The following AP2B1 variants were observed in gnomAD, a reference collection of about 807,000 sequenced individuals.
AP2B1 encodes adaptor related protein complex 2 subunit beta 1.
In AP2B1, 23 loss-of-function variants were observed where a neutral mutation model predicts 102.0. The ratio of observed to expected loss-of-function variants is 0.23; its 90% CI spans 0.16 to 0.32. AP2B1 has a LOEUF of 0.32. AP2B1 is among the 10% of genes least tolerant of loss of function. The pLI is 1.00. For missense variants in AP2B1, 541 were observed against 1,157.4 expected (o/e 0.47, Z 7.73); for synonymous variants, 381 against 421.2 (o/e 0.90, Z 1.17).
At chr17:35,660,962 A>G (rs2075345878) in intron 14 of AP2B1, among the ~76,000 whole-genome samples, 1 of 152,238 alleles carries the variant, frequency 6.6e-6, no homozygotes, top group Non-Finnish European at 1.5e-5. Flanking sequence ...CCTGTTTAAA[A>G]TATGGCCATA....
At chr17:35,667,031 C>A (rs1048027782) in intron 14 of AP2B1, among the ~76,000 whole-genome samples, 6 of 152,212 alleles carry the variant, frequency 3.9e-5, no homozygotes, top group African/African-American at 1.4e-4. Context: ...TGATATACAA[C>A]AACTTTCTTG....
At position 35,587,336 on chromosome 17, in the gene AP2B1, A is replaced by G. The variant is rs2072924759; in HGVS notation, c.-116A>G. 6.6e-6 allele frequency: 1 copy of G among 152,306 alleles called. No individual in the cohort carries two copies. The highest frequency in any genetic ancestry group is 1.5e-5 in the Non-Finnish European group (1 of 68,092). 9.4% of individuals were successfully genotyped at this position (152,306 alleles called of 1,614,324 possible). A position where few individuals can be genotyped will look rare whatever the true frequency, so the allele number is the denominator to read the frequency against. On this transcript the variant is annotated 5_prime_UTR_variant, in exon 1 of 22. Coordinates refer to ENST00000610402, the MANE Select transcript of AP2B1 (RefSeq NM_001030006.2). The stretch of plus-strand genomic sequence containing the variant: ...CGCAGTGGCTTAGACCTAGAAAAGA[A>G]TCGTGACGGGCAGGAAACCATTACA...
At chr17:35,663,367 A>C (rs1232039754) in intron 14 of AP2B1, among the ~76,000 whole-genome samples, 1 of 152,244 alleles carries the variant, frequency 6.6e-6, no homozygotes, top group Non-Finnish European at 1.5e-5. Flanking sequence ...CCTCAGAACA[A>C]CTCAAGAAGA....
chr17:35,711,706 T>C (rs1380906112), intron 20 of AP2B1, among the ~76,000 whole-genome samples: 1 of 152,140 alleles, frequency 6.6e-6, no homozygotes, highest in Non-Finnish European at 1.5e-5. Flanking sequence ...CTCCTGACCT[T>C]GTGATCCGCC....
intron 16 of AP2B1, among the ~76,000 whole-genome samples, chr17:35,672,370 CTCT>C (rs1350972871): frequency 2.0e-5 from 3 of 152,178 alleles, no homozygotes; most frequent in African/African-American, 7.2e-5. Flanking sequence ...GTCACTGGGG[CTCT>C]TCTTGTCTTG....
At chr17:35,622,390 C>T (rs1465199972) in intron 5 of AP2B1, among the ~76,000 whole-genome samples, 2 of 152,132 alleles carry the variant, frequency 1.3e-5, no homozygotes, top group Admixed American at 6.5e-5. Context: ...AAATAAATCA[C>T]ATTCTCTAGA....
At chr17:35,683,354 T>C (rs587594136) in intron 18 of AP2B1, among the ~76,000 whole-genome samples, 7 of 152,308 alleles carry the variant, frequency 4.6e-5, no homozygotes, top group African/African-American at 1.7e-4. Context: ...ACTTAGAAAC[T>C]TTTTTCTTAA....
At chr17:35,662,690 C>T (rs146269459) in intron 14 of AP2B1, among the ~76,000 whole-genome samples, 177 of 152,102 alleles carry the variant, frequency 1.2e-3, no homozygotes, top group Non-Finnish European at 2.1e-3. Context: ...GTGTTATGTG[C>T]TCATGAGTCT....
Position 35,626,602 on chromosome 17 carries a change from T to A in AP2B1, c.717-19T>A, listed in dbSNP as rs764302974. On this transcript the variant is annotated intron_variant, in intron 6 of 21. Coordinates refer to ENST00000610402, the MANE Select transcript of AP2B1 (RefSeq NM_001030006.2). ...ATAAATTATAATTCATGATATTAATTTTCATTCTCCACCCTCAGCATCTGT... is the reference window on the plus strand; with the variant it reads ...ATAAATTATAATTCATGATATTAATATTCATTCTCCACCCTCAGCATCTGT... The A allele has an allele frequency of 2.6e-6, 4 of 1,561,612 alleles. No individual in the cohort carries two copies. The highest frequency in any genetic ancestry group is 3.5e-6 in the Non-Finnish European group (4 of 1,135,322).
At chr17:35,719,272 G>A (rs2085282179) in intron 21 of AP2B1, among the ~76,000 whole-genome samples, 1 of 151,974 alleles carries the variant, frequency 6.6e-6, no homozygotes, top group East Asian at 1.9e-4. Context: ...GTGGGGGATT[G>A]GTAGTGGATA....
chr17:35,640,168 C>A (rs534386971), intron 11 of AP2B1, among the ~76,000 whole-genome samples: 1 of 151,706 alleles, frequency 6.6e-6, no homozygotes, highest in Non-Finnish European at 1.5e-5. Flanking sequence ...CCACCCGCCT[C>A]GGCCTCCCAG....
At chr17:35,648,389 A>G in intron 12 of AP2B1, among the ~76,000 whole-genome samples, 2 of 152,046 alleles carry the variant, frequency 1.3e-5, no homozygotes, top group Admixed American at 6.6e-5. Context: ...GGTGGTGCGT[A>G]CCAATAATCC....
chr17:35,720,172 TA>T (rs1555592037), intron 21 of AP2B1, among the ~76,000 whole-genome samples: 1 of 152,046 alleles, frequency 6.6e-6, no homozygotes, highest in Non-Finnish European at 1.5e-5. Flanking sequence ...TGTACATGCT[TA>T]AAAAGGCAAA....
chr17:35,619,988 GT>G (rs1196950286), intron 5 of AP2B1, among the ~76,000 whole-genome samples: 1 of 152,118 alleles, frequency 6.6e-6, no homozygotes, highest in Non-Finnish European at 1.5e-5. Flanking sequence ...GTTTCACCAT[GT>G]TGGCCAGGCT....
At chr17:35,673,608 A>T (rs2075637136) in intron 16 of AP2B1, among the ~76,000 whole-genome samples, 1 of 152,210 alleles carries the variant, frequency 6.6e-6, no homozygotes, top group Non-Finnish European at 1.5e-5. Context: ...AGATTATATG[A>T]GCAATATCTG....
intron 5 of AP2B1, among the ~76,000 whole-genome samples, chr17:35,619,078 G>A (rs2074101107): frequency 6.6e-6 from 1 of 152,106 alleles, no homozygotes; most frequent in Admixed American, 6.6e-5. Context: ...CCAAGTATTA[G>A]TACTCAGACA....
intron 5 of AP2B1, among the ~76,000 whole-genome samples, chr17:35,618,582 G>A (rs1392385120): frequency 2.0e-5 from 3 of 152,164 alleles, no homozygotes; most frequent in African/African-American, 7.2e-5. Context: ...CCAAGGCCAC[G>A]AAAATGAGTG....
At chr17:35,694,433 T>TTTTTA (rs56363655) in intron 18 of AP2B1, among the ~76,000 whole-genome samples, 12 of 146,436 alleles carry the variant, frequency 8.2e-5, no homozygotes, top group South Asian at 2.1e-4. Flanking sequence ...TTTAATTTTT[T>TTTTTA]AATTTTTTGT....
chr17:35,685,728 G>C (rs138870765), intron 18 of AP2B1, among the ~76,000 whole-genome samples: 32 of 152,138 alleles, frequency 2.1e-4, no homozygotes, highest in African/African-American at 7.5e-4. Context: ...TAGACTATTT[G>C]AAACACTATT....
Sources: allele counts gnomAD v4.1 joint callset (sites outside exome capture counted in the v4.1 genomes callset), GRCh38; gene constraint gnomAD v4.1.1; transcripts MANE v1.5; gene names NCBI Gene and HGNC (gene_info 2026-07-23, HGNC 2026-07-21).